Variants in ZNF513 observed in about 807,000 individuals in gnomAD.
ZNF513 encodes the protein zinc finger protein 513.
In ZNF513, 16 loss-of-function variants were observed where a neutral mutation model predicts 39.7. The observed-to-expected ratio is 0.40, with a 90% CI of 0.27 to 0.61. ZNF513 has a LOEUF of 0.61. ZNF513 is among the 20% of genes least tolerant of loss of function. The pLI is 0.39. For synonymous variants in ZNF513, 348 were observed against 296.5 expected, an observed-to-expected ratio of 1.17 and a Z score of -1.79; for missense variants, 699 against 743.6, an observed-to-expected ratio of 0.94 and a Z score of 0.70.
In ZNF513 at chr2:27,378,640, G is replaced by C. The variant is rs774307078; in HGVS notation, c.626C>G (p.Pro209Arg). ...GCTGCTGCAGGCAAAGGGGCAGTGGGGACAGCGGTAGGGCTTCTCGCCAGT... is the reference window on the plus strand; with the variant it reads ...GCTGCTGCAGGCAAAGGGGCAGTGGCGACAGCGGTAGGGCTTCTCGCCAGT... ...THTGEKPYRC[P>R]HCPFACSSLG... Residue 209 changes from proline to arginine, a missense_variant, in exon 3 of 4, where the codon CCC (proline) becomes CGC (arginine). Physicochemically the swap from Pro to Arg is moderately radical, Grantham distance 103. Transcript: ENST00000323703. This position sits in a 1 kb window ranked among gnomAD's most constrained non-coding sequence, Gnocchi z 8.0. The C allele has an allele frequency of 9.9e-6, 16 of 1,613,928 alleles. No homozygotes were observed. In the Admixed American group the frequency reaches 2.7e-4, roughly 27 times the overall value.
Position 27,380,507 on chromosome 2 carries a change from C to T in ZNF513, c.20G>A (p.Ser7Asn). Residue 7 changes from serine (S) to asparagine (N), a missense_variant, in exon 1 of 4, where the codon AGC becomes AAC. Ser to Asn is a conservative substitution (Grantham distance 46, BLOSUM62 1). Transcript: ENST00000323703. MPRRKQSHPQPVKCEGV... is the reference protein window; with the variant it reads MPRRKQNHPQPVKCEGV... ...CTCGCATTTCACGGGCTGCGGGTGG[C>T]TTTGCTTCCTTCGGGGCATCGTGAC... is the stretch of plus-strand genomic sequence containing the variant. 6.3e-7 allele frequency: 1 copy of T among 1,582,266 alleles called. No homozygotes were observed. Among genetic ancestry groups the T allele is most frequent in the Non-Finnish European group, 8.7e-7 (1 of 1,155,734 alleles).
chr2:27,378,975 C>T lies in ZNF513; in HGVS notation c.291G>A (p.Ala97=), dbSNP rs896918015. 2.5e-5 allele frequency: 41 copies of T among 1,612,896 alleles called. No homozygotes were observed. The highest frequency in any genetic ancestry group is 3.3e-5 in the Non-Finnish European group (39 of 1,179,860). ...TGGCTGGCTCCTCAACTTCACTCTCCGCACTTAGTGCCCGGCCGCCCCCAG... is the reference window on the plus strand; with the variant it reads ...TGGCTGGCTCCTCAACTTCACTCTCTGCACTTAGTGCCCGGCCGCCCCCAG... ...DESGGGRALS[A]ESEVEEPARG... Residue 97 remains alanine, a synonymous_variant, in exon 3 of 4, where the codon GCG becomes GCA. Transcript: ENST00000323703. This position sits in a 1 kb window ranked among gnomAD's most constrained non-coding sequence, Gnocchi z 8.0.
chr2:27,377,452 C>T lies in ZNF513; in HGVS notation c.*93G>A. 1 of 1,405,180 alleles carries T rather than the reference C, an allele frequency of 7.1e-7. No individual in the cohort carries two copies. The highest frequency in any genetic ancestry group is 9.9e-7 in the Non-Finnish European group (1 of 1,005,496). 87.0% of individuals were successfully genotyped at this position (1,405,180 alleles called of 1,614,324 possible). On this transcript the variant is annotated 3_prime_UTR_variant, in exon 4 of 4. Coordinates refer to ENST00000323703, the MANE Select transcript of ZNF513 (RefSeq NM_144631.6). The surrounding 1 kb of genome is among the most constrained non-coding windows in gnomAD (Gnocchi z 4.4). ...TGGGGTTGGGCTGGTCCTTATAGTG[C>T]CTACGTTAGTCTGTGTGGAGCCCCT...
chr2:27,379,500 G>C (rs1176932188), intron 2 of ZNF513, among the ~76,000 whole-genome samples: 1 of 152,160 alleles, frequency 6.6e-6, no homozygotes, highest in Non-Finnish European at 1.5e-5. Flanking sequence ...GAGGGAAGTG[G>C]AGACAATGAA....
Position 27,378,246 on chromosome 2 carries a change from C to G in ZNF513, c.925G>C (p.Glu309Gln). Residue 309 changes from glutamate to glutamine, a missense_variant, in exon 4 of 4, where the codon GAG becomes CAG. This residue lies in a region of ZNF513 where 530 missense variants were observed against 499.3 expected (regional missense o/e 1.06). Coordinates refer to ENST00000323703, the MANE Select transcript of ZNF513 (RefSeq NM_144631.6). This position sits in a 1 kb window ranked among gnomAD's most constrained non-coding sequence, Gnocchi z 8.0. ...LCGTGSEPLP[E>Q]LLFPWTCRGC... Reference sequence around the variant, plus strand: ...CGGCAGGTCCAAGGGAATAGCAGCTCTGGCAGTGGTTCTGATCCAGTCCCG... The same window carrying G: ...CGGCAGGTCCAAGGGAATAGCAGCTGTGGCAGTGGTTCTGATCCAGTCCCG... 1.9e-6 allele frequency: 3 copies of G among 1,602,828 alleles called. No individual in the cohort carries two copies. The highest frequency in any genetic ancestry group is 2.2e-5 in the East Asian group (1 of 44,874).
Position 27,377,949 on chromosome 2 carries a change from G to A in ZNF513, c.1222C>T (p.Arg408Cys), listed in dbSNP as rs1205431241. 3.1e-6 allele frequency: 5 copies of A among 1,613,872 alleles called. No homozygotes were observed. The highest frequency in any genetic ancestry group is 4.2e-6 in the Non-Finnish European group (5 of 1,179,920). ...TAGGGCTTCTCTCCTGTATGGACGCGCTGGTGCCGTTTCAGGTTATCCAGA... is the reference window on the plus strand; with the variant it reads ...TAGGGCTTCTCTCCTGTATGGACGCACTGGTGCCGTTTCAGGTTATCCAGA... ...AHLDNLKRHQ[R>C]VHTGEKPYKC... The change falls in exon 4 of 4, where the codon CGC (arginine) becomes TGC (cysteine). Residue 408 changes from arginine (R) to cysteine (C), a missense_variant. Arg to Cys is a radical substitution (Grantham distance 180). Around this residue, in one of 3 missense-constraint regions of ZNF513, gnomAD observed 98 missense variants for 180.2 expected, o/e 0.54. Coordinates refer to ENST00000323703, the MANE Select transcript of ZNF513 (RefSeq NM_144631.6). This position sits in a 1 kb window ranked among gnomAD's most constrained non-coding sequence, Gnocchi z 4.4.
Position 27,377,451 on chromosome 2 carries a change from G to C in ZNF513, c.*94C>G. On this transcript the variant is annotated 3_prime_UTR_variant, in exon 4 of 4. Coordinates refer to ENST00000323703, the MANE Select transcript of ZNF513 (RefSeq NM_144631.6). This position sits in a 1 kb window ranked among gnomAD's most constrained non-coding sequence, Gnocchi z 4.4. Reference sequence around the variant, plus strand: ...ATGGGGTTGGGCTGGTCCTTATAGTGCCTACGTTAGTCTGTGTGGAGCCCC... The same window carrying C: ...ATGGGGTTGGGCTGGTCCTTATAGTCCCTACGTTAGTCTGTGTGGAGCCCC... 7.9e-6 allele frequency: 11 copies of C among 1,393,098 alleles called. No individual in the cohort carries two copies. The highest frequency in any genetic ancestry group is 1.1e-5 in the Non-Finnish European group (11 of 994,968). 86.3% of individuals were successfully genotyped at this position (1,393,098 alleles called of 1,614,324 possible). A position where few individuals can be genotyped will look rare whatever the true frequency, so the allele number is the denominator to read the frequency against.
chr2:27,377,614 A>C lies in ZNF513; in HGVS notation c.1557T>G (p.Val519=). The change falls in exon 4 of 4, where the codon GTT becomes GTG. Residue 519 remains valine, a synonymous_variant. Coordinates refer to ENST00000323703, the MANE Select transcript of ZNF513 (RefSeq NM_144631.6). The surrounding 1 kb of genome is among the most constrained non-coding windows in gnomAD (Gnocchi z 4.4). ...GGGCTGGTGGGCCCCGAGAGCTCAA[A>C]ACAGAGGGTGGGCTATGAGGTGGGG... ...GWAPPHSPPS[V]LSSRGPPALG... is the part of the protein sequence containing the mutation. 1.2e-6 allele frequency: 2 copies of C among 1,614,086 alleles called. No homozygotes were observed. The highest frequency in any genetic ancestry group is 1.7e-6 in the Non-Finnish European group (2 of 1,180,024).
Position 27,378,172 on chromosome 2 carries a change from A to G in ZNF513, c.999T>C (p.Ala333=), listed in dbSNP as rs772611579. The G allele has an allele frequency of 2.5e-6, 4 of 1,612,400 alleles. No individual in the cohort carries two copies. The African/African-American group carries it at 4.0e-5, about 16-fold the overall frequency. The change falls in exon 4 of 4, where the codon GCT becomes GCC. Residue 333 remains alanine, a synonymous_variant. Coordinates refer to ENST00000323703, the MANE Select transcript of ZNF513 (RefSeq NM_144631.6). This position sits in a 1 kb window ranked among gnomAD's most constrained non-coding sequence, Gnocchi z 8.0. ...LEEGEGSRLG[A]AMCGRCMRGE... Reference sequence around the variant, plus strand: ...CTCGCATGCAGCGCCCACACATGGCAGCTCCCAGCCGACTACCCTCACCCT... The same window carrying G: ...CTCGCATGCAGCGCCCACACATGGCGGCTCCCAGCCGACTACCCTCACCCT...
chr2:27,380,534 G>A lies in ZNF513; in HGVS notation c.-8C>T, dbSNP rs142187881. The A allele has an allele frequency of 3.2e-6, 5 of 1,566,026 alleles. No individual in the cohort carries two copies. Among genetic ancestry groups the A allele is most frequent in the South Asian group, 1.1e-5 (1 of 87,574 alleles). ...TTGCTTCCTTCGGGGCATCGTGACC[G>A]GCTCCAGCCCGACGCGCCTCCGGCC... On this transcript the variant is annotated 5_prime_UTR_variant, in exon 1 of 4. Coordinates refer to ENST00000323703, the MANE Select transcript of ZNF513 (RefSeq NM_144631.6).
chr2:27,380,010 G>A lies in ZNF513; in HGVS notation c.211+83C>T, dbSNP rs1311219231. On this transcript the variant is annotated intron_variant, in intron 2 of 3. Coordinates refer to ENST00000323703, the MANE Select transcript of ZNF513 (RefSeq NM_144631.6). ...CCAGCCCTCGGTTGTGGCAGGAAAT[G>A]GTGTTCTGTTCACCTAACCTGCCTC... 3.2e-6 allele frequency: 5 copies of A among 1,571,334 alleles called. No homozygotes were observed. In the Admixed American group the frequency reaches 8.3e-5, roughly 26 times the overall value.
In ZNF513 at chr2:27,379,050, G is replaced by C; in HGVS notation, c.216C>G (p.Asp72Glu). The change falls in exon 3 of 4, where the codon GAC becomes GAG. Residue 72 changes from aspartate (D) to glutamate (E), a missense_variant. By Grantham distance (45) the Asp-to-Glu change is conservative. Coordinates refer to ENST00000323703, the MANE Select transcript of ZNF513 (RefSeq NM_144631.6). ...LMGFERDSEG[D>E]SLGARPGLPY... ...GAAGCCCAGGCCTGGCCCCCAGAGA[G>C]TCTCCTGGTGAAATAGACATAAGAA... is the stretch of plus-strand genomic sequence containing the variant. 1.2e-6 allele frequency: 2 copies of C among 1,612,652 alleles called. No individual in the cohort carries two copies. Among genetic ancestry groups the C allele is most frequent in the East Asian group, 2.2e-5 (1 of 44,886 alleles).
chr2:27,378,374 G>C lies in ZNF513; in HGVS notation c.800-3C>G. ...CAAATCTGGAAGGAGCAGAGCATCT[G>C]TGGGGACAAAGACCTGGGCTATGAA... On this transcript the variant is annotated splice_polypyrimidine_tract_variant and splice_region_variant and intron_variant, in intron 3 of 3. Transcript: ENST00000323703. The surrounding 1 kb of genome is among the most constrained non-coding windows in gnomAD (Gnocchi z 8.0). 2 of 1,605,354 alleles carry C rather than the reference G, an allele frequency of 1.2e-6. No homozygotes were observed. Among genetic ancestry groups the C allele is most frequent in the Non-Finnish European group, 1.7e-6 (2 of 1,179,956 alleles).
rs753631888 is a variant in ZNF513, at chr2:27,378,455, G to C, written c.799+12C>G. 1 of 1,613,984 alleles carries C rather than the reference G, an allele frequency of 6.2e-7. No individual in the cohort carries two copies. Among genetic ancestry groups the C allele is most frequent in the Admixed American group, 1.7e-5 (1 of 60,030 alleles). On this transcript the variant is annotated intron_variant, in intron 3 of 3. Coordinates refer to ENST00000323703, the MANE Select transcript of ZNF513 (RefSeq NM_144631.6). This position sits in a 1 kb window ranked among gnomAD's most constrained non-coding sequence, Gnocchi z 8.0. ...CCATGTCCCAAGATCTTTGGTCCCT[G>C]GTGTGTCTTACCTTCAGGTCGCCGG...
intron 2 of ZNF513, 37 bp downstream of exon 2, chr2:27,380,056 G>A: frequency 6.2e-7 from 1 of 1,613,664 alleles, no homozygotes; most frequent in Non-Finnish European, 8.5e-7. Context: ...GGGGTCTCCA[G>A]CGGCCGCTAA....
At position 27,378,699 on chromosome 2, in the gene ZNF513, C is replaced by A; in HGVS notation, c.567G>T (p.Gln189His). 6.2e-7 allele frequency: 1 copy of A among 1,613,828 alleles called. No individual in the cohort carries two copies. Among genetic ancestry groups the A allele is most frequent in the Non-Finnish European group, 8.5e-7 (1 of 1,179,946 alleles). ...GGGTATGTCGTGTCAGGTTGACGAG[C>A]TGGGCTGAGGCGTAGGGGCAGCGGC... The part of the protein sequence containing the change: ...RCGRCPYASA[Q>H]LVNLTRHTRT... The change falls in exon 3 of 4, where the codon CAG (glutamine) becomes CAT (histidine). Residue 189 changes from glutamine (Q) to histidine (H), a missense_variant. Around this residue, in one of 3 missense-constraint regions of ZNF513, gnomAD observed 530 missense variants for 499.3 expected, o/e 1.06. Transcript: ENST00000323703. The surrounding 1 kb of genome is among the most constrained non-coding windows in gnomAD (Gnocchi z 8.0).
rs528583767 is a variant in ZNF513 at position 27,377,421 on chromosome 2, C to T, written c.*124G>A. The T allele has an allele frequency of 2.4e-5, 26 of 1,082,564 alleles. No individual in the cohort carries two copies. The highest frequency in any genetic ancestry group is 2.0e-4 in the South Asian group (15 of 75,580). The allele number at this position is 1,082,564 out of a possible 1,614,324, so 67.1% of individuals were successfully genotyped here. Reference sequence around the variant, plus strand: ...GTCCCCTGGTCCATATGGGCCCCCCCGCCCATGGGGTTGGGCTGGTCCTTA... The same window carrying T: ...GTCCCCTGGTCCATATGGGCCCCCCTGCCCATGGGGTTGGGCTGGTCCTTA... On this transcript the variant is annotated 3_prime_UTR_variant, in exon 4 of 4. Coordinates refer to ENST00000323703, the MANE Select transcript of ZNF513 (RefSeq NM_144631.6). The surrounding 1 kb of genome is among the most constrained non-coding windows in gnomAD (Gnocchi z 4.4).
chr2:27,378,612 C>T lies in ZNF513; in HGVS notation c.654G>A (p.Leu218=). 1.2e-6 allele frequency: 2 copies of T among 1,613,868 alleles called. No homozygotes were observed. Among genetic ancestry groups the T allele is most frequent in the Middle Eastern group, 1.6e-4 (1 of 6,062 alleles). ...CPHCPFACSS[L]GNLRRHQRTH... is the part of the protein sequence containing the mutation. ...TACGCTGATGCCGCCTCAGGTTGCCCAGGCTGCTGCAGGCAAAGGGGCAGT... is the reference window on the plus strand; with the variant it reads ...TACGCTGATGCCGCCTCAGGTTGCCTAGGCTGCTGCAGGCAAAGGGGCAGT... The change falls in exon 3 of 4, where the codon CTG becomes CTA. Residue 218 remains leucine, a synonymous_variant. Coordinates refer to ENST00000323703, the MANE Select transcript of ZNF513 (RefSeq NM_144631.6). The surrounding 1 kb of genome is among the most constrained non-coding windows in gnomAD (Gnocchi z 8.0).
In ZNF513 at chr2:27,380,058, G is replaced by C. The variant is rs191423172; in HGVS notation, c.211+35C>G. Reference sequence around the variant, plus strand: ...CTCCTGAAGGGCTGGGGTCTCCAGCGGCCGCTAATCCTTAACCAAGACCCG... The same window carrying C: ...CTCCTGAAGGGCTGGGGTCTCCAGCCGCCGCTAATCCTTAACCAAGACCCG... On this transcript the variant is annotated intron_variant, in intron 2 of 3. Transcript: ENST00000323703. 387 of 1,613,676 alleles carry C rather than the reference G, an allele frequency of 2.4e-4. 2 individuals are homozygous for C. The African/African-American group carries it at 3.4e-3, about 14-fold the overall frequency.
Sources: allele counts gnomAD v4.1 joint callset (sites outside exome capture counted in the v4.1 genomes callset), GRCh38; gene constraint gnomAD v4.1.1; regional missense constraint gnomAD v4.1.1; non-coding constraint Gnocchi (gnomAD v3.1); transcripts MANE v1.5; gene names NCBI Gene and HGNC (gene_info 2026-07-23, HGNC 2026-07-21).